PCOLCE2: variants seen among roughly 807,000 people sequenced by gnomAD.
The protein encoded by PCOLCE2 is procollagen C-endopeptidase enhancer 2.
PCOLCE2 carries 42 observed loss-of-function variants against 47.0 expected under a neutral mutation model. That is an observed-to-expected ratio of 0.89 (90% confidence interval 0.70 to 1.16). PCOLCE2 has a LOEUF of 1.16. PCOLCE2 is among the 50% of genes most tolerant of loss of function. The probability of loss-of-function intolerance (pLI) is 0.00; values close to 1 mark genes in which losing one functional copy is unlikely to be tolerated. For missense variants in PCOLCE2, 500 were observed against 526.1 expected, an observed-to-expected ratio of 0.95 and a Z score of 0.49; for synonymous variants, 169 against 191.7, an observed-to-expected ratio of 0.88 and a Z score of 0.98.
At chr3:142,824,335 G>A (rs1007613381) in intron 6 of PCOLCE2, among the ~76,000 whole-genome samples, 13 of 152,090 alleles carry the variant, frequency 8.5e-5, no homozygotes, top group Admixed American at 4.6e-4. Context: ...GGTAGATGCC[G>A]AGACGCTGCT....
Position 142,823,531 on chromosome 3 carries a change from C to T in PCOLCE2, c.949+1G>A, listed in dbSNP as rs111420411. On this transcript the variant is annotated splice_donor_variant, in intron 7 of 8. Transcript: ENST00000295992. LOFTEE classifies it high-confidence loss of function. Reference sequence around the variant, plus strand: ...GAAAAAGACTGGCTTTTATTTCTTACCAAAGTCACTTGAACAATAATTGCC... The same window carrying T: ...GAAAAAGACTGGCTTTTATTTCTTATCAAAGTCACTTGAACAATAATTGCC... 3.2e-6 allele frequency: 5 copies of T among 1,583,452 alleles called. No individual in the cohort carries two copies. The highest frequency in any genetic ancestry group is 1.1e-5 in the South Asian group (1 of 89,470).
chr3:142,876,670 C>T (rs1933503848), intron 2 of PCOLCE2, among the ~76,000 whole-genome samples: 1 of 152,170 alleles, frequency 6.6e-6, no homozygotes, highest in Admixed American at 6.5e-5. Context: ...ACATGGTTGG[C>T]ACCTCAGCTG....
At position 142,842,065 on chromosome 3, in the gene PCOLCE2, T is replaced by C. The variant is rs545435043; in HGVS notation, c.573+859A>G. ...ATTTCAGAACAATGAATGAAGCTTTTTGTGGGGAACCTGCACATATTTTAT... is the reference window on the plus strand; with the variant it reads ...ATTTCAGAACAATGAATGAAGCTTTCTGTGGGGAACCTGCACATATTTTAT... On this transcript the variant is annotated intron_variant, in intron 4 of 8. Transcript: ENST00000295992. This position sits in a 1 kb window ranked among gnomAD's most constrained non-coding sequence, Gnocchi z 4.1. Among the ~76,000 whole-genome samples the C allele has an allele frequency of 1.3e-5, 2 of 152,354 alleles. No individual in the cohort carries two copies. Among genetic ancestry groups the C allele is most frequent in the African/African-American group, 4.8e-5 (2 of 41,586 alleles).
intron 3 of PCOLCE2, 63 bp downstream of exon 3, chr3:142,848,154 A>T (rs1937347990): frequency 6.5e-7 from 1 of 1,536,466 alleles, no homozygotes; most frequent in Non-Finnish European, 8.9e-7. Flanking sequence ...GTAAATAAAC[A>T]TCAAGTGCCA....
At chr3:142,884,027 T>G (rs982276979) in intron 2 of PCOLCE2, among the ~76,000 whole-genome samples, 1 of 152,174 alleles carries the variant, frequency 6.6e-6, no homozygotes, top group African/African-American at 2.4e-5. Context: ...CCCAGCACCA[T>G]GCTTCATGGG....
intron 5 of PCOLCE2, among the ~76,000 whole-genome samples, chr3:142,838,189 C>A (rs1937225811): frequency 6.6e-6 from 1 of 152,138 alleles, no homozygotes; most frequent in South Asian, 2.1e-4. Flanking sequence ...TATTGACACT[C>A]CTGTTAATGT....
At chr3:142,826,217 C>T (rs1300642496) in intron 6 of PCOLCE2, among the ~76,000 whole-genome samples, 1 of 152,012 alleles carries the variant, frequency 6.6e-6, no homozygotes, top group Non-Finnish European at 1.5e-5. Flanking sequence ...CCGTGTTAGC[C>T]AAGATGGTCT....
intron 5 of PCOLCE2, among the ~76,000 whole-genome samples, chr3:142,833,194 GT>G (rs1368533289): frequency 6.6e-6 from 1 of 150,682 alleles, no homozygotes; most frequent in Non-Finnish European, 1.5e-5. Context: ...TTTCTTTTTT[GT>G]TTTGTGTTTT....
rs148021283 is a variant in PCOLCE2, at chr3:142,886,005, A to T, written c.192+1664T>A. On this transcript the variant is annotated intron_variant, in intron 2 of 8. Coordinates refer to ENST00000295992, the MANE Select transcript of PCOLCE2 (RefSeq NM_013363.4). ...TTACACTATCTCATTTTGTCTTCAC[A>T]GTAATCCTAAGGTTTAAAGGAGGTA... Among the ~76,000 whole-genome samples the T allele has an allele frequency of 1.8e-4, 27 of 152,344 alleles. No individual in the cohort carries two copies. In the South Asian group the frequency reaches 5.6e-3, roughly 32 times the overall value.
In PCOLCE2 at chr3:142,852,791, C is replaced by T. The variant is rs140877734; in HGVS notation, c.193-4319G>A. ...TATATATGTAACCATGCAAAATGCA[C>T]AGTGACTTTTTGTGTTGTTTTAAAA... On this transcript the variant is annotated intron_variant, in intron 2 of 8. Transcript: ENST00000295992. 6.9e-3 allele frequency among the ~76,000 whole-genome samples: 1,038 copies of T among 150,006 alleles called. 4 individuals are homozygous for T. Among genetic ancestry groups the T allele is most frequent in the Non-Finnish European group, 9.6e-3 (650 of 67,596 alleles).
intron 2 of PCOLCE2, among the ~76,000 whole-genome samples, chr3:142,850,186 A>C (rs1937374600): frequency 6.6e-6 from 1 of 152,218 alleles, no homozygotes; most frequent in African/African-American, 2.4e-5. Flanking sequence ...TTTGTTTTGC[A>C]CACAACCTCT....
rs35154183 is a variant in PCOLCE2, at chr3:142,852,647, ATGTGTGTGTG to A, written c.193-4185_193-4176del. Among the ~76,000 whole-genome samples, 15 of 144,780 alleles carry A rather than the reference ATGTGTGTGTG, an allele frequency of 1.0e-4. No individual in the cohort carries two copies. In the South Asian group the frequency reaches 1.3e-3, roughly 13 times the overall value. 95.0% of individuals were successfully genotyped at this position (144,780 alleles called of 152,430 possible). On this transcript the variant is annotated intron_variant, in intron 2 of 8. Coordinates refer to ENST00000295992, the MANE Select transcript of PCOLCE2 (RefSeq NM_013363.4). ...TGGGTTTCCTTCCATGCTGATCAAA[ATGTGTGTGTG>A]TGTGTGTGTGTGTGTGTATTTATAT...
chr3:142,848,208 A>C lies in PCOLCE2; in HGVS notation c.448+9T>G, dbSNP rs1325786581. On this transcript the variant is annotated intron_variant, in intron 3 of 8. Coordinates refer to ENST00000295992, the MANE Select transcript of PCOLCE2 (RefSeq NM_013363.4). ...TACTGTTGTTATTGCCATTATGTGGAAACAGTACCTCTTTCGTTTGGTTCA... is the reference window on the plus strand; with the variant it reads ...TACTGTTGTTATTGCCATTATGTGGCAACAGTACCTCTTTCGTTTGGTTCA... The C allele has an allele frequency of 6.2e-7, 1 of 1,611,544 alleles. No homozygotes were observed. The highest frequency in any genetic ancestry group is 1.1e-5 in the South Asian group (1 of 91,022).
At chr3:142,858,062 G>A (rs991112516) in intron 2 of PCOLCE2, among the ~76,000 whole-genome samples, 1 of 152,078 alleles carries the variant, frequency 6.6e-6, no homozygotes, top group Non-Finnish European at 1.5e-5. Flanking sequence ...TCAAAGTTGG[G>A]GCCAAATACA....
At chr3:142,880,094 C>T (rs1933582552) in intron 2 of PCOLCE2, among the ~76,000 whole-genome samples, 1 of 149,684 alleles carries the variant, frequency 6.7e-6, no homozygotes, top group African/African-American at 2.5e-5. Flanking sequence ...ATTCATATAG[C>T]CTTGGATATG....
chr3:142,847,523 C>CTG (rs1461514067), intron 3 of PCOLCE2, among the ~76,000 whole-genome samples: 4 of 152,004 alleles, frequency 2.6e-5, no homozygotes, highest in Admixed American at 6.6e-5. Context: ...TCTCATATAT[C>CTG]TGTGTGTGTG....
At chr3:142,878,546 G>A (rs1933545095) in intron 2 of PCOLCE2, among the ~76,000 whole-genome samples, 1 of 152,062 alleles carries the variant, frequency 6.6e-6, no homozygotes, top group Admixed American at 6.6e-5. Context: ...AAGAAACATG[G>A]GAAAGCGACA....
chr3:142,832,818 C>T (rs755824328), intron 5 of PCOLCE2, among the ~76,000 whole-genome samples: 1 of 152,202 alleles, frequency 6.6e-6, no homozygotes, highest in East Asian at 1.9e-4. Flanking sequence ...ATCCCCAGTG[C>T]TCCTCCTGTT....
At chr3:142,870,112 T>A (rs1933357894) in intron 2 of PCOLCE2, among the ~76,000 whole-genome samples, 1 of 152,216 alleles carries the variant, frequency 6.6e-6, no homozygotes, top group Admixed American at 6.5e-5. Flanking sequence ...AGGCAGTCAC[T>A]TTTTCGTTCT....
Sources: gnomAD v4.1 joint callset for allele counts (sites outside exome capture counted in the v4.1 genomes callset) on GRCh38, gnomAD v4.1.1 for gene constraint, Gnocchi (gnomAD v3.1) non-coding constraint, MANE v1.5 for transcripts, NCBI Gene and HGNC (gene_info 2026-07-23, HGNC 2026-07-21) for gene names.